The following IPO8 variants were observed in gnomAD, a reference collection of about 807,000 sequenced individuals.
IPO8 encodes importin-8.
IPO8 carries 65 observed loss-of-function variants against 141.2 expected under a neutral mutation model. The observed-to-expected ratio is 0.46, with a 90% CI of 0.38 to 0.57. The LOEUF (loss-of-function observed/expected upper bound fraction) is 0.57. IPO8 is among the 20% of genes least tolerant of loss of function. The probability of loss-of-function intolerance (pLI) is 0.00; values close to 1 mark genes in which losing one functional copy is unlikely to be tolerated. For synonymous variants in IPO8, 411 were observed against 420.3 expected (o/e 0.98, Z 0.27); for missense variants, 980 against 1,246.8 (o/e 0.79, Z 3.22).
chr12:30,684,973 T>G (rs1404932213), intron 2 of IPO8, among the ~76,000 whole-genome samples: 1 of 152,090 alleles, frequency 6.6e-6, no homozygotes, highest in Non-Finnish European at 1.5e-5. Context: ...CATCAAAAAT[T>G]TTTGGAAAAA....
At chr12:30,692,890 C>T (rs1591849108) in intron 1 of IPO8, among the ~76,000 whole-genome samples, 1 of 152,192 alleles carries the variant, frequency 6.6e-6, no homozygotes, top group Non-Finnish European at 1.5e-5. Context: ...GCTTTACTCT[C>T]CACAGCACTT....
intron 19 of IPO8, 109 bp from the exon 20 acceptor site, chr12:30,649,341 G>C: frequency 1.5e-6 from 1 of 675,320 alleles, no homozygotes; most frequent in Non-Finnish European, 2.4e-6. Flanking sequence ...CCACAGCTTT[G>C]CTTGCTGTGC....
rs577307663 is a variant in IPO8, at chr12:30,673,594, A to G, written c.909+396T>C. On this transcript the variant is annotated intron_variant, in intron 8 of 24. Coordinates refer to ENST00000256079, the MANE Select transcript of IPO8 (RefSeq NM_006390.4). ...TAGTAAGCTCAACTACTCTTCATAC[A>G]GACCAATTCATATTATATAAGTCTT... is the stretch of plus-strand genomic sequence containing the variant. 1.2e-4 allele frequency among the ~76,000 whole-genome samples: 18 copies of G among 152,342 alleles called. 1 individual carries two copies. The highest frequency in any genetic ancestry group is 1.9e-4 in the East Asian group (1 of 5,190).
At position 30,680,177 on chromosome 12, in the gene IPO8, G is replaced by A. The variant is rs371245225; in HGVS notation, c.639+305C>T. On this transcript the variant is annotated intron_variant, in intron 5 of 24. Transcript: ENST00000256079. ...TCTTGTAATCATAACTAATCTATAG[G>A]CAGGAATGCTACAGAACAGATAGTT... 4.0e-5 allele frequency among the ~76,000 whole-genome samples: 6 copies of A among 151,806 alleles called. 1 individual carries two copies. The highest frequency in any genetic ancestry group is 1.5e-4 in the African/African-American group (6 of 41,362).
rs1389513854 is a variant in IPO8, at chr12:30,630,948, T to C, written c.3026A>G (p.Lys1009Arg). The change falls in exon 25 of 25, where the codon AAG becomes AGG. Residue 1009 changes from lysine (K) to arginine (R), a missense_variant. Transcript: ENST00000256079. ...EHRRTVAEAKKKIEQQGGFTF... is the reference protein window; with the variant it reads ...EHRRTVAEAKRKIEQQGGFTF... ...GAAGCCTCCCTGTTGTTCAATCTTC[T>C]TCTTTGCCTCTAGCATTTTTCAAAA... The C allele has an allele frequency of 6.2e-7, 1 of 1,612,808 alleles. No homozygotes were observed. The highest frequency in any genetic ancestry group is 1.7e-5 in the Admixed American group (1 of 59,922).
rs139397500 is a variant in IPO8 at position 30,639,895 on chromosome 12, A to G, written c.2269-160T>C. On this transcript the variant is annotated intron_variant, in intron 20 of 24. Transcript: ENST00000256079. ...AGGTATTTAAAAGATTTATATTATT[A>G]TAACAACCTAGAGAGACTAAATAGA... 2.4e-4 allele frequency among the ~76,000 whole-genome samples: 37 copies of G among 152,360 alleles called. 4 individuals carry two copies. Among genetic ancestry groups the G allele is most frequent in the African/African-American group, 8.4e-4 (35 of 41,588 alleles).
chr12:30,645,246 G>A lies in IPO8; in HGVS notation c.2268+3891C>T, dbSNP rs1034300177. Among the ~76,000 whole-genome samples the A allele has an allele frequency of 4.6e-5, 7 of 151,712 alleles. No homozygotes were observed. In the East Asian group the frequency reaches 6.0e-4, roughly 13 times the overall value. On this transcript the variant is annotated intron_variant, in intron 20 of 24. Transcript: ENST00000256079. ...AAATTAGCTGGGTGTGATGGCGCAC[G>A]CCTGTAATACCAGCTACTTGGGAGG...
At chr12:30,677,073 C>T (rs899903121) in intron 5 of IPO8, 89 of 1,517,992 alleles carry the variant, frequency 5.9e-5, no homozygotes, top group Non-Finnish European at 7.0e-5. Flanking sequence ...TTGCAGAAGA[C>T]GGATATTGCC....
intron 20 of IPO8, among the ~76,000 whole-genome samples, chr12:30,643,280 G>A (rs2052598616): frequency 6.6e-6 from 1 of 152,086 alleles, no homozygotes. Flanking sequence ...TTGCACTCTA[G>A]CCTGGTGAGT....
intron 2 of IPO8, chr12:30,688,770 T>C (rs1311613339): frequency 6.5e-6 from 1 of 153,390 alleles, no homozygotes; most frequent in Non-Finnish European, 1.5e-5. Flanking sequence ...GCACTGTTGG[T>C]AGAAAATGTA....
At chr12:30,670,867 T>G in intron 9 of IPO8, 95 bp downstream of exon 9, 1 of 979,174 alleles carries the variant, frequency 1.0e-6, no homozygotes. Context: ...TGTATATATA[T>G]AAAATGTAAA....
intron 2 of IPO8, among the ~76,000 whole-genome samples, chr12:30,685,049 T>G (rs1287787182): frequency 6.6e-6 from 1 of 152,218 alleles, no homozygotes; most frequent in Non-Finnish European, 1.5e-5. Context: ...TCTGTTCTTT[T>G]TAATCGTCTT....
chr12:30,682,172 T>A (rs1591844029), intron 3 of IPO8, among the ~76,000 whole-genome samples: 1 of 152,168 alleles, frequency 6.6e-6, no homozygotes, highest in South Asian at 2.1e-4. Context: ...GGTTACCATA[T>A]CCTGAATGGG....
intron 2 of IPO8, among the ~76,000 whole-genome samples, chr12:30,688,190 T>C (rs2053260546): frequency 6.6e-6 from 1 of 152,182 alleles, no homozygotes; most frequent in Non-Finnish European, 1.5e-5. Flanking sequence ...TAAGATAGGC[T>C]TCCTTCACCG....
At chr12:30,645,756 T>C (rs928423286) in intron 20 of IPO8, among the ~76,000 whole-genome samples, 12 of 151,984 alleles carry the variant, frequency 7.9e-5, no homozygotes, top group Admixed American at 7.9e-4. Flanking sequence ...ATAAATTACG[T>C]TGAAAAATTC....
chr12:30,665,249 A>T lies in IPO8; in HGVS notation c.1399T>A (p.Leu467Met). 2.5e-6 allele frequency: 4 copies of T among 1,596,326 alleles called. No homozygotes were observed. The highest frequency in any genetic ancestry group is 3.4e-6 in the Non-Finnish European group (4 of 1,166,392). ...FLQNHVFPLL[L>M]SNLGYLRARS... ...GCTCGAAGATATCCCAGGTTAGACA[A>T]TAATAATGGAAATACATGATTTTGT... The change falls in exon 13 of 25, where the codon TTG (leucine) becomes ATG (methionine). Residue 467 changes from leucine (L) to methionine (M), a missense_variant. Leu to Met is a conservative substitution (Grantham distance 15). Coordinates refer to ENST00000256079, the MANE Select transcript of IPO8 (RefSeq NM_006390.4).
At chr12:30,681,241 C>T (rs2053185966) in intron 4 of IPO8, among the ~76,000 whole-genome samples, 1 of 152,270 alleles carries the variant, frequency 6.6e-6, no homozygotes, top group South Asian at 2.1e-4. Context: ...CCTCTACCTA[C>T]CCAAGCTACT....
intron 14 of IPO8, 107 bp from the exon 15 acceptor site, chr12:30,662,594 G>A (rs10843805): frequency 3.8e-6 from 3 of 786,908 alleles, no homozygotes; most frequent in African/African-American, 3.4e-5. Flanking sequence ...CCTAAATCAG[G>A]TTCTAGATAC....
intron 21 of IPO8, among the ~76,000 whole-genome samples, chr12:30,638,285 T>C (rs2052529472): frequency 1.3e-5 from 2 of 152,232 alleles, no homozygotes; most frequent in Non-Finnish European, 2.9e-5. Flanking sequence ...AACAATTTCT[T>C]TGATAGTATG....
Sources: gnomAD v4.1 joint callset for allele counts (sites outside exome capture counted in the v4.1 genomes callset) on GRCh38, gnomAD v4.1.1 for gene constraint, MANE v1.5 for transcripts, NCBI Gene and HGNC (gene_info 2026-07-23, HGNC 2026-07-21) for gene names.